Variants in BRD8 observed in about 807,000 individuals in gnomAD.
BRD8 encodes the protein bromodomain containing 8.
BRD8 carries 67 observed loss-of-function variants against 143.1 expected under a neutral mutation model. That is an observed-to-expected ratio of 0.47 (90% CI 0.38 to 0.57). The LOEUF is 0.57. BRD8 is among the 20% of genes least tolerant of loss of function. The pLI, the probability that BRD8 is intolerant of heterozygous loss-of-function variation, is 0.00. For missense variants in BRD8, 1,103 were observed against 1,503.0 expected (o/e 0.73, Z 4.40); for synonymous variants, 505 against 517.1 (o/e 0.98, Z 0.32).
chr5:138,172,881 T>C (rs1313993676), intron 2 of BRD8: 2 of 275,564 alleles, frequency 7.3e-6, no homozygotes, highest in Non-Finnish European at 1.4e-5. Flanking sequence ...AAGAACAGCA[T>C]ATATAGTATA....
chr5:138,170,465 C>T (rs1299629270), intron 6 of BRD8, 56 bp from the exon 7 acceptor site: 2 of 1,592,498 alleles, frequency 1.3e-6, no homozygotes, highest in African/African-American at 1.3e-5. Context: ...CCCCAGAGTT[C>T]ACAGAACCCT....
In BRD8 at chr5:138,171,064, C is replaced by A. The variant is rs1753826833; in HGVS notation, c.333G>T (p.Val111=). The A allele has an allele frequency of 1.2e-6, 2 of 1,613,678 alleles. No individual in the cohort carries two copies. Among genetic ancestry groups the A allele is most frequent in the African/African-American group, 1.3e-5 (1 of 74,856 alleles). ...TATATCTCTCCTGGGTTTCCTTTAT[C>A]ACTTTCTTTAGTTCTTCAACTCGCT... ...TAERVEELKK[V]IKETQERYRR... is the part of the protein sequence containing the mutation. The change falls in exon 5 of 27, where the codon GTG becomes GTT. Residue 111 remains valine (V), a synonymous_variant. Coordinates refer to ENST00000254900, the MANE Select transcript of BRD8 (RefSeq NM_139199.2).
In BRD8 at chr5:138,165,790, G is replaced by A. The variant is rs1481520989; in HGVS notation, c.1278+38C>T. On this transcript the variant is annotated intron_variant, in intron 11 of 26. Coordinates refer to ENST00000254900, the MANE Select transcript of BRD8 (RefSeq NM_139199.2). ...AGGCTGAAAAGAGAAGCCTATGTAG[G>A]ACCCATGAGATTCTCTGGGGCTTCG... 1.9e-6 allele frequency: 3 copies of A among 1,585,562 alleles called. No individual in the cohort carries two copies. The East Asian group carries it at 6.7e-5, about 36-fold the overall frequency.
In BRD8 at chr5:138,161,070, T is replaced by TAA; in HGVS notation, c.2250-4_2250-3dup. 6.3e-7 allele frequency: 1 copy of TAA among 1,579,230 alleles called. No homozygotes were observed. Among genetic ancestry groups the TAA allele is most frequent in the East Asian group, 2.3e-5 (1 of 43,950 alleles). ...TTAATAGTTGACAAATCCATAGGCCTAAAAAAAAAGAACAGGGGTAAGTAG... is the reference window on the plus strand; with the variant it reads ...TTAATAGTTGACAAATCCATAGGCCTAAAAAAAAAAAGAACAGGGGTAAGTAG... On this transcript the variant is annotated splice_polypyrimidine_tract_variant and splice_region_variant and intron_variant, in intron 17 of 26. Transcript: ENST00000254900.
In BRD8 at chr5:138,152,417, A is replaced by G. The variant is rs575788183; in HGVS notation, c.2856+65T>C. 5.1e-6 allele frequency: 8 copies of G among 1,575,332 alleles called. No homozygotes were observed. In the Admixed American group the frequency reaches 5.3e-5, roughly 10 times the overall value. ...AATATTAAGAGTGGTAGAAGCATGT[A>G]AGGATAAGCATTCTCTTAGAAAGTT... On this transcript the variant is annotated intron_variant, in intron 21 of 26. Coordinates refer to ENST00000254900, the MANE Select transcript of BRD8 (RefSeq NM_139199.2).
intron 20 of BRD8, among the ~76,000 whole-genome samples, chr5:138,153,804 G>A (rs1460000003): frequency 2.6e-5 from 4 of 151,394 alleles, no homozygotes; most frequent in African/African-American, 9.7e-5. Context: ...AGCCTCCTGA[G>A]TAGCTGAGAT....
chr5:138,161,513 G>C (rs1003296319), intron 17 of BRD8, among the ~76,000 whole-genome samples: 2 of 152,072 alleles, frequency 1.3e-5, no homozygotes, highest in Non-Finnish European at 2.9e-5. Flanking sequence ...AGGGGGTTTC[G>C]CCATGTTGCC....
In BRD8 at chr5:138,166,237, T is replaced by C. The variant is rs1753410162; in HGVS notation, c.998-129A>G. ...TTAAGGTCAGAAAGAGTCATCAACA[T>C]GTGCCTATGTTTTCTTCTCCCCAGT... On this transcript the variant is annotated intron_variant, in intron 10 of 26. Coordinates refer to ENST00000254900, the MANE Select transcript of BRD8 (RefSeq NM_139199.2). The C allele has an allele frequency of 8.4e-6, 6 of 714,592 alleles. No homozygotes were observed. The East Asian group carries it at 1.2e-4, about 15-fold the overall frequency. The allele number at this position is 714,592 out of a possible 1,614,324, so 44.3% of individuals were successfully genotyped here.
chr5:138,145,088 G>A, intron 25 of BRD8, 89 bp downstream of exon 25: 1 of 1,336,470 alleles, frequency 7.5e-7, no homozygotes, highest in South Asian at 1.3e-5. Context: ...GAGTTTGTAA[G>A]TTATAAAAAT....
intron 1 of BRD8, 26 bp downstream of exon 1, chr5:138,178,570 C>T (rs767542577): frequency 6.2e-7 from 1 of 1,611,072 alleles, no homozygotes; most frequent in Non-Finnish European, 8.5e-7. Context: ...AAAGGCCTTT[C>T]ACGCAAAACC....
chr5:138,150,791 G>A lies in BRD8; in HGVS notation c.3074C>T (p.Pro1025Leu). The change falls in exon 22 of 27, where the codon CCC becomes CTC. Residue 1025 changes from proline to leucine, a missense_variant. Coordinates refer to ENST00000254900, the MANE Select transcript of BRD8 (RefSeq NM_139199.2). ...TCCCTGAACTGTACAAATAACTGAG[G>A]GAGCTGAAGCCACCTCTGGCTTTCC... Reference protein sequence around the residue: ...ENGKPEVASAPSVICTVQGLL... With the variant: ...ENGKPEVASALSVICTVQGLL... 1 of 1,614,084 alleles carries A rather than the reference G, an allele frequency of 6.2e-7. No individual in the cohort carries two copies. Among genetic ancestry groups the A allele is most frequent in the Admixed American group, 1.7e-5 (1 of 60,002 alleles).
chr5:138,166,627 A>G lies in BRD8; in HGVS notation c.888T>C (p.Leu296=), dbSNP rs950746620. 1.2e-6 allele frequency: 2 copies of G among 1,613,798 alleles called. No homozygotes were observed. The highest frequency in any genetic ancestry group is 1.3e-5 in the African/African-American group (1 of 74,916). Residue 296 remains leucine, a synonymous_variant, in exon 10 of 27, where the codon CTT becomes CTC. Coordinates refer to ENST00000254900, the MANE Select transcript of BRD8 (RefSeq NM_139199.2). ...ACACAGACTCTACAGGGGGTGGCAC[A>G]AGTTTAACTGGAGGCTCACTGGCAA... ...TTVASEPPVK[L]VPPPVESVSQ...
intron 18 of BRD8, 34 bp from the exon 19 acceptor site, chr5:138,160,207 A>T: frequency 6.7e-7 from 1 of 1,497,040 alleles, no homozygotes; most frequent in Non-Finnish European, 9.3e-7. Flanking sequence ...GGCCATGGAG[A>T]CCTGATTTAG....
At chr5:138,141,248 G>C (rs1355081929) in intron 25 of BRD8, among the ~76,000 whole-genome samples, 1 of 151,914 alleles carries the variant, frequency 6.6e-6, no homozygotes, top group African/African-American at 2.4e-5. Flanking sequence ...CCCTGTCTCA[G>C]CCTCCAGAAT....
intron 20 of BRD8, chr5:138,157,150 A>G (rs1179013052): frequency 6.2e-7 from 1 of 1,605,500 alleles, no homozygotes; most frequent in African/African-American, 1.3e-5. Flanking sequence ...CGCAAGCCCA[A>G]GCTCTATCTT....
In BRD8 at chr5:138,150,728, T is replaced by G; in HGVS notation, c.3120+17A>C. 2.5e-6 allele frequency: 4 copies of G among 1,589,812 alleles called. No individual in the cohort carries two copies. Among genetic ancestry groups the G allele is most frequent in the Non-Finnish European group, 3.4e-6 (4 of 1,169,376 alleles). ...GCAGAAGACCAACAAGACAGCTGAT[T>G]TAAGTTACTTTCTTACCTCTTCACT... On this transcript the variant is annotated intron_variant, in intron 22 of 26. Transcript: ENST00000254900.
rs539105080 is a variant in BRD8 at position 138,161,982 on chromosome 5, C to T, written c.2180+72G>A. 5 of 1,572,674 alleles carry T rather than the reference C, an allele frequency of 3.2e-6. No homozygotes were observed. In the East Asian group the frequency reaches 9.0e-5, roughly 28 times the overall value. On this transcript the variant is annotated intron_variant, in intron 16 of 26. Coordinates refer to ENST00000254900, the MANE Select transcript of BRD8 (RefSeq NM_139199.2). ...ACCAGCAGTTCCACAGAAGCCTACT[C>T]AGACTTTTTTCCAGTCACCAACAAT...
At chr5:138,161,721 C>T (rs761443415) in intron 17 of BRD8, 75 bp downstream of exon 17, 77 of 1,475,432 alleles carry the variant, frequency 5.2e-5, no homozygotes, top group Non-Finnish European at 6.9e-5. Flanking sequence ...AACTTTCTAT[C>T]GAAAGCAAAA....
intron 2 of BRD8, among the ~76,000 whole-genome samples, chr5:138,176,161 A>C (rs557618749): frequency 6.6e-6 from 1 of 152,286 alleles, no homozygotes; most frequent in East Asian, 1.9e-4. Context: ...TAAAAAAGGA[A>C]TTAAGTATTG....
Sources: gnomAD v4.1 joint callset for allele counts (sites outside exome capture counted in the v4.1 genomes callset) on GRCh38, gnomAD v4.1.1 for gene constraint, MANE v1.5 for transcripts, NCBI Gene and HGNC (gene_info 2026-07-23, HGNC 2026-07-21) for gene names.